CSMD1: variants seen among roughly 807,000 people sequenced by gnomAD.
CSMD1 encodes the protein CUB and Sushi multiple domains 1.
CSMD1 carries 213 observed loss-of-function variants against 417.5 expected under a neutral mutation model. The observed-to-expected ratio is 0.51, with a 90% CI of 0.46 to 0.57. CSMD1 has a LOEUF of 0.57. CSMD1 is among the 20% of genes least tolerant of loss of function. The pLI is 0.00. For missense variants in CSMD1, 6,923 were observed against 4,529.7 expected, an observed-to-expected ratio of 1.53 and a Z score of -15.17; for synonymous variants, 2,862 against 1,736.8, an observed-to-expected ratio of 1.65 and a Z score of -16.11.
At chr8:3,263,822 C>G (rs150016916) in intron 26 of CSMD1, among the ~76,000 whole-genome samples, 2 of 152,294 alleles carry the variant, frequency 1.3e-5, no homozygotes, top group Non-Finnish European at 2.9e-5. Flanking sequence ...TTGCTTTCAT[C>G]ATGTGAAGAT....
At chr8:3,651,100 T>C (rs1466983504) in intron 7 of CSMD1, among the ~76,000 whole-genome samples, 1 of 152,244 alleles carries the variant, frequency 6.6e-6, no homozygotes, top group African/African-American at 2.4e-5. Flanking sequence ...AATGGCCGTT[T>C]ATCACCATCT....
At chr8:4,308,653 A>G (rs1446909309) in intron 3 of CSMD1, among the ~76,000 whole-genome samples, 1 of 152,234 alleles carries the variant, frequency 6.6e-6, no homozygotes, top group African/African-American at 2.4e-5. Flanking sequence ...TTCCAAGAAC[A>G]GTTTATAAGA....
chr8:3,148,546 C>T (rs766202365), intron 40 of CSMD1, among the ~76,000 whole-genome samples: 37 of 152,096 alleles, frequency 2.4e-4, no homozygotes, highest in African/African-American at 1.7e-4. Flanking sequence ...GTGCATAGAA[C>T]GGAGACTTCA....
intron 5 of CSMD1, among the ~76,000 whole-genome samples, chr8:3,992,622 A>G (rs1297143046): frequency 6.6e-6 from 1 of 152,158 alleles, no homozygotes; most frequent in Non-Finnish European, 1.5e-5. Context: ...TGTGTCTACA[A>G]AAAATGTTTT....
rs543641159 is a variant in CSMD1, at chr8:3,741,713, AGTGCGCATTCTTACT to A, written c.931+12202_931+12216del. ...CACTACACAAAATTTCTCCTCTCTGAGTGCGCATTCTTACTGAGAAAGAAGAAAATACCCAGTGGT... is the reference window on the plus strand; with the variant it reads ...CACTACACAAAATTTCTCCTCTCTGAGAGAAAGAAGAAAATACCCAGTGGT... On this transcript the variant is annotated intron_variant, in intron 6 of 69. Transcript: ENST00000635120. Among the ~76,000 whole-genome samples, 76 of 152,318 alleles carry A rather than the reference AGTGCGCATTCTTACT, an allele frequency of 5.0e-4. 1 individual carries two copies. In the East Asian group the frequency reaches 9.7e-3, roughly 19 times the overall value.
At position 4,304,297 on chromosome 8, in the gene CSMD1, A is replaced by G. The variant is rs560156223; in HGVS notation, c.415+115656T>C. ...TTTATTAACGGGTAACATGTTCAAT[A>G]TAGAATATATAGAAGATATTTATTT... is the stretch of plus-strand genomic sequence containing the variant. On this transcript the variant is annotated intron_variant, in intron 3 of 69. Transcript: ENST00000635120. 6.6e-5 allele frequency among the ~76,000 whole-genome samples: 10 copies of G among 152,352 alleles called. No individual in the cohort carries two copies. In the East Asian group the frequency reaches 1.9e-3, roughly 29 times the overall value.
intron 5 of CSMD1, among the ~76,000 whole-genome samples, chr8:3,950,130 A>G (rs1040691118): frequency 6.6e-6 from 1 of 152,168 alleles, no homozygotes; most frequent in Non-Finnish European, 1.5e-5. Flanking sequence ...CGTTACACTG[A>G]CCTGCATTTA....
intron 2 of CSMD1, among the ~76,000 whole-genome samples, chr8:4,483,114 C>T (rs988745876): frequency 3.9e-5 from 6 of 152,162 alleles, no homozygotes; most frequent in African/African-American, 1.4e-4. Flanking sequence ...CTCCCCCATA[C>T]TGTTCTCCTG....
chr8:3,190,206 G>C (rs1796329178), intron 33 of CSMD1, 91 bp from the exon 34 acceptor site: 4 of 919,930 alleles, frequency 4.3e-6, no homozygotes, highest in Non-Finnish European at 6.7e-6. Flanking sequence ...GGACCAAGGA[G>C]AGCTGATGCA....
intron 26 of CSMD1, among the ~76,000 whole-genome samples, chr8:3,273,020 G>C (rs1239011626): frequency 3.3e-5 from 5 of 151,892 alleles, no homozygotes; most frequent in Admixed American, 6.6e-5. Flanking sequence ...AGTCTTCAAA[G>C]GGAATGCTTC....
chr8:4,295,387 T>C (rs1384384084), intron 3 of CSMD1, among the ~76,000 whole-genome samples: 2 of 144,762 alleles, frequency 1.4e-5, no homozygotes, highest in East Asian at 2.1e-4. Flanking sequence ...ATTATACACA[T>C]ATAATCTTAA....
chr8:3,042,727 T>A (rs1028572559), intron 50 of CSMD1, among the ~76,000 whole-genome samples: 12 of 152,166 alleles, frequency 7.9e-5, no homozygotes, highest in Non-Finnish European at 1.6e-4. Flanking sequence ...GCTCAGAGAT[T>A]TAACTCGTGT....
At chr8:4,423,971 A>G (rs1354224603) in intron 2 of CSMD1, among the ~76,000 whole-genome samples, 1 of 152,060 alleles carries the variant, frequency 6.6e-6, no homozygotes, top group Non-Finnish European at 1.5e-5. Context: ...CATAGAATAA[A>G]CCAACAAATT....
Position 2,963,394 on chromosome 8 carries a change from G to A in CSMD1, c.9282C>T (p.Ala3094=), listed in dbSNP as rs201394470. 76 of 1,613,286 alleles carry A rather than the reference G, an allele frequency of 4.7e-5. No homozygotes were observed. The African/African-American group carries it at 7.6e-4, about 16-fold the overall frequency. ...RWNPSKPVCK[A]VLCPQPPPVQ... Reference sequence around the variant, plus strand: ...CCGGCGGCGGCTGAGGACACAGCACGGCTATTTCCAAAGAACAAACAAGAT... The same window carrying A: ...CCGGCGGCGGCTGAGGACACAGCACAGCTATTTCCAAAGAACAAACAAGAT... The change falls in exon 60 of 70, where the codon GCC becomes GCT. Residue 3094 remains alanine (A), a splice_region_variant and synonymous_variant. Coordinates refer to ENST00000635120, the MANE Select transcript of CSMD1 (RefSeq NM_033225.6).
chr8:3,531,709 T>G (rs946953694), intron 10 of CSMD1, among the ~76,000 whole-genome samples: 5 of 152,294 alleles, frequency 3.3e-5, no homozygotes, highest in East Asian at 1.9e-4. Flanking sequence ...AGAACTTCCC[T>G]TGTAACACAA....
chr8:4,383,555 T>C (rs999070241), intron 3 of CSMD1, among the ~76,000 whole-genome samples: 5 of 152,144 alleles, frequency 3.3e-5, no homozygotes, highest in Non-Finnish European at 7.3e-5. Context: ...CAGAAGCATT[T>C]ATAAACCTCA....
chr8:4,051,888 CT>C (rs377164133), intron 3 of CSMD1, among the ~76,000 whole-genome samples: 48 of 10,698 alleles, frequency 4.5e-3, no homozygotes, highest in South Asian at 9.5e-3. Flanking sequence ...TTCTTCCTTC[CT>C]TCCTTCCTTC....
intron 5 of CSMD1, among the ~76,000 whole-genome samples, chr8:3,762,517 T>C (rs10110805): frequency 6.6e-6 from 1 of 152,106 alleles, no homozygotes; most frequent in Non-Finnish European, 1.5e-5. Context: ...AGGATGTTTA[T>C]ATCCTCTGTG....
At chr8:4,892,925 T>G (rs1409642456) in intron 1 of CSMD1, among the ~76,000 whole-genome samples, 1 of 152,150 alleles carries the variant, frequency 6.6e-6, no homozygotes, top group Non-Finnish European at 1.5e-5. Context: ...AGTGAATATA[T>G]TTTATATGCC....
Sources: allele counts gnomAD v4.1 joint callset (sites outside exome capture counted in the v4.1 genomes callset), GRCh38; gene constraint gnomAD v4.1.1; transcripts MANE v1.5; gene names NCBI Gene and HGNC (gene_info 2026-07-23, HGNC 2026-07-21).